Variants in SRGAP3 observed in about 807,000 individuals in gnomAD.
The protein encoded by SRGAP3 is SLIT-ROBO Rho GTPase activating protein 3.
A neutral mutation model predicts 121.1 loss-of-function variants in SRGAP3; 39 were observed. The ratio of observed to expected loss-of-function variants is 0.32; its 90% CI spans 0.25 to 0.42. The LOEUF (loss-of-function observed/expected upper bound fraction) is 0.42. Among genes scored for constraint, SRGAP3 ranks in the 10% least tolerant of loss-of-function variants. The pLI, the probability that SRGAP3 is intolerant of heterozygous loss-of-function variation, is 1.00. For missense variants in SRGAP3, 1,213 were observed against 1,470.6 expected, an observed-to-expected ratio of 0.82 and a Z score of 2.86; for synonymous variants, 601 against 570.0, an observed-to-expected ratio of 1.05 and a Z score of -0.77.
chr3:9,270,568 C>CA (rs1399806951), intron 3 of SRGAP3, among the ~76,000 whole-genome samples: 1 of 152,116 alleles, frequency 6.6e-6, no homozygotes, highest in Non-Finnish European at 1.5e-5. Context: ...AAATTTAACT[C>CA]ATTTAAAAAA....
chr3:9,189,647 C>T (rs1951694871), intron 1 of SRGAP3, among the ~76,000 whole-genome samples: 1 of 152,180 alleles, frequency 6.6e-6, no homozygotes, highest in Admixed American at 6.5e-5. Context: ...ACAATGGCTG[C>T]CAGGAGGGCT....
intron 5 of SRGAP3, among the ~76,000 whole-genome samples, chr3:9,063,867 G>C (rs987581017): frequency 1.9e-4 from 29 of 152,174 alleles, no homozygotes; most frequent in African/African-American, 6.3e-4. Context: ...GACTTTTCCA[G>C]AATCAATACA....
Position 9,249,568 on chromosome 3 carries a change from G to A in SRGAP3, c.-617C>T, listed in dbSNP as rs1953948816. The A allele has an allele frequency of 4.2e-6, 1 of 239,022 alleles. No homozygotes were observed. The highest frequency in any genetic ancestry group is 2.2e-5 in the African/African-American group (1 of 45,342). 14.8% of individuals were successfully genotyped at this position (239,022 alleles called of 1,614,324 possible). On this transcript the variant is annotated 5_prime_UTR_variant, in exon 1 of 22. Coordinates refer to ENST00000383836, the MANE Select transcript of SRGAP3 (RefSeq NM_014850.4). ...TTCGGTGCCTCTGGTCTGATGTCCA[G>A]TGAGGATCAAAGCCAGGAGAGCGAG...
At chr3:9,212,019 G>A (rs1171851320) in intron 1 of SRGAP3, among the ~76,000 whole-genome samples, 4 of 152,030 alleles carry the variant, frequency 2.6e-5, no homozygotes, top group African/African-American at 4.8e-5. Context: ...CTGGCAGTTC[G>A]ACAAACTTAA....
At chr3:9,153,769 T>C (rs748263706) in intron 1 of SRGAP3, among the ~76,000 whole-genome samples, 1 of 152,194 alleles carries the variant, frequency 6.6e-6, no homozygotes, top group South Asian at 2.1e-4. Flanking sequence ...ATTGTATACA[T>C]TATACATATA....
chr3:9,307,191 C>T (rs1379276382), intron 3 of SRGAP3, among the ~76,000 whole-genome samples: 1 of 152,174 alleles, frequency 6.6e-6, no homozygotes, highest in Non-Finnish European at 1.5e-5. Flanking sequence ...CCAGGCTGGT[C>T]TTGAACTCCT....
chr3:9,028,021 T>A (rs1944298630), intron 12 of SRGAP3: 1 of 1,546,230 alleles, frequency 6.5e-7, no homozygotes, highest in Non-Finnish European at 8.9e-7. Flanking sequence ...ACAGGCAAGG[T>A]GGGCTCTGTT....
intron 3 of SRGAP3, among the ~76,000 whole-genome samples, chr3:9,280,482 T>C (rs1379275397): frequency 6.6e-6 from 1 of 152,200 alleles, no homozygotes; most frequent in Non-Finnish European, 1.5e-5. Flanking sequence ...TGGTGGCAAC[T>C]GGGGAAACTA....
At chr3:9,064,861 TAATA>T (rs58800068) in intron 4 of SRGAP3, among the ~76,000 whole-genome samples, 22,557 of 149,750 alleles carry the variant, frequency 0.15, 2,012 homozygotes, top group African/African-American at 0.25. Context: ...TAAAAAATAA[TAATA>T]AATAAATAAA....
At chr3:9,161,840 A>C (rs1334753445) in intron 1 of SRGAP3, among the ~76,000 whole-genome samples, 1 of 152,112 alleles carries the variant, frequency 6.6e-6, no homozygotes, top group Non-Finnish European at 1.5e-5. Context: ...TTAAGCAGCC[A>C]AATTTTTTTT....
intron 14 of SRGAP3, among the ~76,000 whole-genome samples, chr3:9,020,870 T>C (rs74905766): frequency 0.021 from 3,135 of 152,336 alleles, 51 homozygotes; most frequent in Middle Eastern, 0.048. Flanking sequence ...AGCTAGCTAA[T>C]GTCCTGGGGA....
chr3:9,002,908 T>C (rs537538440), intron 18 of SRGAP3, among the ~76,000 whole-genome samples: 16 of 152,074 alleles, frequency 1.1e-4, no homozygotes, highest in African/African-American at 3.6e-4. Context: ...AAAAAATGAA[T>C]ACACTTATAA....
Position 9,019,982 on chromosome 3 carries a change from C to G in SRGAP3, c.1679-4251G>C, listed in dbSNP as rs191097859. Reference sequence around the variant, plus strand: ...AAAAAAATCACCTGTATTCACACAGCACTTCTCAAGTGAGAAGCACATTTG... The same window carrying G: ...AAAAAAATCACCTGTATTCACACAGGACTTCTCAAGTGAGAAGCACATTTG... On this transcript the variant is annotated intron_variant, in intron 14 of 21. Transcript: ENST00000383836. Among the ~76,000 whole-genome samples the G allele has an allele frequency of 1.9e-3, 286 of 152,316 alleles. 2 individuals carry two copies. Among genetic ancestry groups the G allele is most frequent in the Non-Finnish European group, 3.1e-3 (209 of 68,026 alleles).
At position 9,025,254 on chromosome 3, in the gene SRGAP3, C is replaced by T; in HGVS notation, c.1678+7G>A. ...CCACAAGCCTAAGATGGTCGCTCTG[C>T]ACCCACCTCTCTCAAAGGAATTTTT... On this transcript the variant is annotated splice_region_variant and intron_variant, in intron 14 of 21. Coordinates refer to ENST00000383836, the MANE Select transcript of SRGAP3 (RefSeq NM_014850.4). 1.2e-6 allele frequency: 2 copies of T among 1,614,116 alleles called. No homozygotes were observed. Among genetic ancestry groups the T allele is most frequent in the Non-Finnish European group, 1.7e-6 (2 of 1,179,990 alleles).
chr3:9,264,971 T>C lies in SRGAP3; in HGVS notation n.442+61039A>G, dbSNP rs145331996. Among the ~76,000 whole-genome samples the C allele has an allele frequency of 3.6e-3, 547 of 152,104 alleles. 4 individuals are homozygous for C. Among genetic ancestry groups the C allele is most frequent in the African/African-American group, 0.012 (515 of 41,546 alleles). ...AGGCATCACGCTACCTGACTTCAAA[T>C]TATACTACAAGGCTACAGTAACCAA... On this transcript the variant is annotated intron_variant and non_coding_transcript_variant, in intron 3 of 3. Transcript: ENST00000490889.
intron 1 of SRGAP3, among the ~76,000 whole-genome samples, chr3:9,183,737 T>C (rs1223180827): frequency 6.7e-6 from 1 of 149,734 alleles, no homozygotes; most frequent in Non-Finnish European, 1.5e-5. Context: ...CATGGTTGTG[T>C]TATATATAGT....
chr3:9,018,164 T>C (rs1351666987), intron 14 of SRGAP3, among the ~76,000 whole-genome samples: 1 of 152,236 alleles, frequency 6.6e-6, no homozygotes, highest in Non-Finnish European at 1.5e-5. Flanking sequence ...TCCATACATG[T>C]TGCTGCAAAT....
chr3:9,088,672 G>C (rs922374313), intron 3 of SRGAP3, among the ~76,000 whole-genome samples: 2 of 152,134 alleles, frequency 1.3e-5, no homozygotes, highest in African/African-American at 2.4e-5. Flanking sequence ...TTGGAACAAG[G>C]CTTCCAAGTG....
intron 1 of SRGAP3, among the ~76,000 whole-genome samples, chr3:9,134,516 C>T (rs1451839720): frequency 2.0e-5 from 3 of 152,174 alleles, no homozygotes; most frequent in Non-Finnish European, 4.4e-5. Context: ...AGTATTGCCA[C>T]TCCTCTTCTA....
Sources: allele counts gnomAD v4.1 joint callset (sites outside exome capture counted in the v4.1 genomes callset), GRCh38; gene constraint gnomAD v4.1.1; transcripts MANE v1.5; gene names NCBI Gene and HGNC (gene_info 2026-07-23, HGNC 2026-07-21).